GPR160: variants seen among roughly 807,000 people sequenced by gnomAD.
GPR160 encodes the protein G protein-coupled receptor 160.
A neutral mutation model predicts 2.6 loss-of-function variants in GPR160; 2 were observed. That is an observed-to-expected ratio of 0.77 (90% CI 0.32 to 2.44). The LOEUF is 2.44. Ranked by LOEUF, GPR160 falls within the 30% of genes most tolerant of loss-of-function variation. GPR160 has a pLI of 0.11. For synonymous variants in GPR160, 130 were observed against 132.2 expected, an observed-to-expected ratio of 0.98 and a Z score of 0.12; for missense variants, 351 against 383.6, an observed-to-expected ratio of 0.91 and a Z score of 0.71.
At chr3:170,082,974 T>G (rs398040418) in intron 3 of GPR160, among the ~76,000 whole-genome samples, 4 of 69,020 alleles carry the variant, frequency 5.8e-5, no homozygotes, top group South Asian at 5.4e-4. Context: ...ATTTTTGGGG[T>G]TTTTTTTTTT....
chr3:170,069,768 A>AT (rs1161948720), intron 2 of GPR160, among the ~76,000 whole-genome samples: 1 of 152,180 alleles, frequency 6.6e-6, no homozygotes, highest in Non-Finnish European at 1.5e-5. Flanking sequence ...AGTATGTATT[A>AT]TTTTAAATAG....
At chr3:170,061,394 C>CT (rs1711946463) in intron 2 of GPR160, among the ~76,000 whole-genome samples, 2 of 149,180 alleles carry the variant, frequency 1.3e-5, no homozygotes, top group African/African-American at 5.1e-5. Context: ...AAAAAAAACT[C>CT]TAACAACATT....
chr3:170,066,624 T>A (rs751223932), intron 2 of GPR160, among the ~76,000 whole-genome samples: 4 of 152,212 alleles, frequency 2.6e-5, no homozygotes, highest in Non-Finnish European at 4.4e-5. Context: ...TGGTTCTCTA[T>A]TGGCGGACAT....
In GPR160 at chr3:170,067,516, T is replaced by G. The variant is rs192055342; in HGVS notation, c.-192-12258T>G. On this transcript the variant is annotated intron_variant, in intron 2 of 3. Coordinates refer to ENST00000355897, the MANE Select transcript of GPR160 (RefSeq NM_014373.3). Reference sequence around the variant, plus strand: ...TCTAGTTTGATCAGTCCCTTAGAATTGAAGGCATCTCTGGCTTCCAGTGTT... The same window carrying G: ...TCTAGTTTGATCAGTCCCTTAGAATGGAAGGCATCTCTGGCTTCCAGTGTT... 1.2e-4 allele frequency among the ~76,000 whole-genome samples: 18 copies of G among 152,302 alleles called. No homozygotes were observed. In the East Asian group the frequency reaches 3.3e-3, roughly 28 times the overall value.
intron 2 of GPR160, chr3:170,057,933 A>G (rs4425303): frequency 6.6e-6 from 1 of 152,256 alleles, no homozygotes; most frequent in Non-Finnish European, 1.5e-5. Flanking sequence ...ACTTTAAAAT[A>G]CATGAAGACA....
rs775559956 is a variant in GPR160 at position 170,084,768 on chromosome 3, A to G, written c.796A>G (p.Lys266Glu). Residue 266 changes from lysine to glutamate, a missense_variant, in exon 4 of 4, where the codon AAA becomes GAA. Lys to Glu is a moderately conservative substitution (Grantham distance 56). Transcript: ENST00000355897. ...ACTTCAGGTAATCATTGTTTTACTT[A>G]AAGTTCAGATTCCAGCATATATTGA... ...VLLQVIIVLL[K>E]VQIPAYIEMN... 3.5e-5 allele frequency: 56 copies of G among 1,607,300 alleles called. No homozygotes were observed. The South Asian group carries it at 5.3e-4, about 15-fold the overall frequency.
At chr3:170,047,472 GT>G (rs1013315515) in intron 2 of GPR160, among the ~76,000 whole-genome samples, 1 of 151,758 alleles carries the variant, frequency 6.6e-6, no homozygotes, top group East Asian at 1.9e-4. Flanking sequence ...GTTTTACTTT[GT>G]TTTTTTATAA....
intron 2 of GPR160, among the ~76,000 whole-genome samples, chr3:170,049,637 G>A (rs1002686796): frequency 1.3e-5 from 2 of 152,152 alleles, no homozygotes; most frequent in South Asian, 2.1e-4. Flanking sequence ...TTCGCATCAC[G>A]CCTCCAGGGC....
Position 170,085,135 on chromosome 3 carries a change from G to C in GPR160, c.*146G>C. ...CAGAATGTGTCTTTTGAAGGGCTAT[G>C]ATACCAGTTATTAAATAGTGTTTTA... On this transcript the variant is annotated 3_prime_UTR_variant, in exon 4 of 4. Transcript: ENST00000355897. 2.2e-6 allele frequency: 1 copy of C among 451,830 alleles called. No individual in the cohort carries two copies. Among genetic ancestry groups the C allele is most frequent in the South Asian group, 5.6e-5 (1 of 17,704 alleles). The allele number at this position is 451,830 out of a possible 1,614,324, so 28.0% of individuals were successfully genotyped here.
intron 2 of GPR160, among the ~76,000 whole-genome samples, chr3:170,041,039 A>C (rs546776862): frequency 6.6e-6 from 1 of 152,302 alleles, no homozygotes; most frequent in African/African-American, 2.4e-5. Flanking sequence ...TCATTCTGTC[A>C]TGCTTGGTCA....
intron 2 of GPR160, among the ~76,000 whole-genome samples, chr3:170,047,739 T>TACACATAC (rs1716784726): frequency 6.7e-6 from 1 of 149,324 alleles, no homozygotes. Flanking sequence ...ACATCACATA[T>TACACATAC]ACACATACAC....
intron 2 of GPR160, among the ~76,000 whole-genome samples, chr3:170,075,303 C>G (rs1712798908): frequency 6.6e-6 from 1 of 152,088 alleles, no homozygotes; most frequent in African/African-American, 2.4e-5. Context: ...AAATATATGA[C>G]AAATTAAAAT....
At chr3:170,074,446 G>A (rs1712751657) in intron 2 of GPR160, among the ~76,000 whole-genome samples, 1 of 151,496 alleles carries the variant, frequency 6.6e-6, no homozygotes, top group South Asian at 2.1e-4. Flanking sequence ...GTTGTTTTGG[G>A]GTTGTTGTTG....
intron 2 of GPR160, among the ~76,000 whole-genome samples, chr3:170,061,607 T>C (rs893861481): frequency 6.6e-6 from 1 of 152,256 alleles, no homozygotes; most frequent in African/African-American, 2.4e-5. Flanking sequence ...TAAATCATCA[T>C]AGGAAAAATG....
chr3:170,055,510 T>C (rs1321291297), intron 2 of GPR160, among the ~76,000 whole-genome samples: 1 of 152,214 alleles, frequency 6.6e-6, no homozygotes, highest in Non-Finnish European at 1.5e-5. Context: ...TGAGCACAGA[T>C]TTCTGATTGC....
chr3:170,082,057 AT>A (rs1713161379), intron 3 of GPR160, among the ~76,000 whole-genome samples: 1 of 152,130 alleles, frequency 6.6e-6, no homozygotes, highest in African/African-American at 2.4e-5. Flanking sequence ...TCAGTGACCT[AT>A]TTTTAGGCAA....
At chr3:170,074,184 G>A (rs1242943795) in intron 2 of GPR160, among the ~76,000 whole-genome samples, 1 of 151,380 alleles carries the variant, frequency 6.6e-6, no homozygotes, top group Non-Finnish European at 1.5e-5. Flanking sequence ...CCACCACACT[G>A]GGCCAGTTTC....
chr3:170,075,808 A>G (rs1372898278), intron 2 of GPR160, among the ~76,000 whole-genome samples: 1 of 152,186 alleles, frequency 6.6e-6, no homozygotes, highest in Admixed American at 6.5e-5. Flanking sequence ...AAAATCATCT[A>G]TCCCCTACCT....
intron 2 of GPR160, among the ~76,000 whole-genome samples, chr3:170,040,995 T>C (rs1317207861): frequency 1.3e-4 from 19 of 145,648 alleles, no homozygotes; most frequent in Non-Finnish European, 3.0e-4. Flanking sequence ...TTGCTCCAGA[T>C]TTCTTTTCTC....
Sources: allele counts gnomAD v4.1 joint callset (sites outside exome capture counted in the v4.1 genomes callset), GRCh38; gene constraint gnomAD v4.1.1; transcripts MANE v1.5; gene names NCBI Gene and HGNC (gene_info 2026-07-23, HGNC 2026-07-21).